Variants in ARF4 observed in about 807,000 individuals in gnomAD.
ARF4 encodes ADP-ribosylation factor 4.
A neutral mutation model predicts 24.3 loss-of-function variants in ARF4; 5 were observed. That is an observed-to-expected ratio of 0.21 (90% CI 0.11 to 0.43). The LOEUF (loss-of-function observed/expected upper bound fraction) is 0.43. Among genes scored for constraint, ARF4 ranks in the 20% least tolerant of loss-of-function variants. The probability of loss-of-function intolerance (pLI) is 1.00; values close to 1 mark genes in which losing one functional copy is unlikely to be tolerated. For missense variants in ARF4, 107 were observed against 213.0 expected (o/e 0.50, Z 3.10); for synonymous variants, 62 against 73.5 (o/e 0.84, Z 0.80).
At chr3:57,582,592 T>C (rs931961697) in intron 3 of ARF4, among the ~76,000 whole-genome samples, 1 of 152,172 alleles carries the variant, frequency 6.6e-6, no homozygotes, top group Non-Finnish European at 1.5e-5. Context: ...TAATATGACA[T>C]ACTATGTAAA....
intron 3 of ARF4, among the ~76,000 whole-genome samples, chr3:57,579,893 G>A (rs751547773): frequency 6.6e-6 from 1 of 152,090 alleles, no homozygotes; most frequent in Non-Finnish European, 1.5e-5. Flanking sequence ...CATGAAGTCA[G>A]GAGTTCAAGA....
In ARF4 at chr3:57,575,665, T is replaced by G; in HGVS notation, c.339A>C (p.Val113=). The change falls in exon 5 of 6, where the codon GTA becomes GTC. Residue 113 remains valine, a synonymous_variant. Transcript: ENST00000303436. ...VADELQKMLL[V]DELRDAVLLL... ...GCAGCACTGCATCTCTCAATTCATC[T>G]ACCAGAAGCTGGAAATAAAAGGTAA... 6.2e-7 allele frequency: 1 copy of G among 1,604,904 alleles called. No homozygotes were observed. Among genetic ancestry groups the G allele is most frequent in the East Asian group, 2.2e-5 (1 of 44,692 alleles).
chr3:57,583,376 C>T (rs752949977), intron 3 of ARF4, among the ~76,000 whole-genome samples: 6 of 152,054 alleles, frequency 3.9e-5, no homozygotes, highest in Non-Finnish European at 8.8e-5. Flanking sequence ...TACGTGCCAC[C>T]CCCAAATTTG....
At position 57,572,147 on chromosome 3, in the gene ARF4, A is replaced by G. The variant is rs2069849322; in HGVS notation, c.*65T>C. The G allele has an allele frequency of 7.8e-7, 1 of 1,284,984 alleles. No individual in the cohort carries two copies. Among genetic ancestry groups the G allele is most frequent in the Non-Finnish European group, 1.1e-6 (1 of 882,664 alleles). The allele number at this position is 1,284,984 out of a possible 1,614,324, so 79.6% of individuals were successfully genotyped here. ...TGTTTAATAACCAAGATACAAACTA[A>G]TTTTGTTGTAACAAGCCTAGACCAA... On this transcript the variant is annotated 3_prime_UTR_variant, in exon 6 of 6. Transcript: ENST00000303436.
chr3:57,594,438 A>G (rs1019641759), intron 1 of ARF4, among the ~76,000 whole-genome samples: 1 of 152,190 alleles, frequency 6.6e-6, no homozygotes, highest in Non-Finnish European at 1.5e-5. Flanking sequence ...CATCACTTGC[A>G]TAACTTACCC....
At chr3:57,595,109 T>A (rs972825191) in intron 1 of ARF4, among the ~76,000 whole-genome samples, 129 of 152,346 alleles carry the variant, frequency 8.5e-4, no homozygotes, top group African/African-American at 3.0e-3. Flanking sequence ...TCTCTCCCAT[T>A]TTCTTCGAAT....
intron 1 of ARF4, among the ~76,000 whole-genome samples, chr3:57,591,391 T>G (rs537059691): frequency 3.3e-5 from 5 of 151,940 alleles, no homozygotes; most frequent in Non-Finnish European, 7.4e-5. Flanking sequence ...TTATGTGAAT[T>G]TAATGAAAAG....
chr3:57,595,519 A>G (rs1473085006), intron 1 of ARF4, among the ~76,000 whole-genome samples: 4 of 152,242 alleles, frequency 2.6e-5, no homozygotes, highest in African/African-American at 9.6e-5. Flanking sequence ...AATGACTCAT[A>G]AACAATTGAT....
In ARF4 at chr3:57,584,055, T is replaced by C. The variant is rs767425593; in HGVS notation, c.149-48A>G. 7.1e-6 allele frequency: 9 copies of C among 1,267,868 alleles called. No homozygotes were observed. In the South Asian group the frequency reaches 1.0e-4, roughly 15 times the overall value. The allele number at this position is 1,267,868 out of a possible 1,614,324, so 78.5% of individuals were successfully genotyped here. ...CCGCTGTGCAGCGTCATTAAGAAAA[T>C]AAAACCTTTTATTGTGGAATTTTCT... On this transcript the variant is annotated intron_variant, in intron 2 of 5. Transcript: ENST00000303436.
intron 3 of ARF4, among the ~76,000 whole-genome samples, chr3:57,578,481 C>T: frequency 8.4e-6 from 1 of 119,062 alleles, no homozygotes; most frequent in South Asian, 3.1e-4. Context: ...CTTAGAGATA[C>T]AAATATTAGC....
intron 4 of ARF4, among the ~76,000 whole-genome samples, chr3:57,576,284 G>C (rs1369059765): frequency 6.6e-6 from 1 of 152,152 alleles, no homozygotes; most frequent in Non-Finnish European, 1.5e-5. Context: ...ATAGGTGACT[G>C]TATAAAGACA....
At chr3:57,590,056 CTCCAGCCTG>C (rs200898039) in intron 1 of ARF4, among the ~76,000 whole-genome samples, 1,519 of 149,744 alleles carry the variant, frequency 0.01, 17 homozygotes, top group South Asian at 0.035. Flanking sequence ...TGCCACTGCA[CTCCAGCCTG>C]GGCAACAGAC....
intron 1 of ARF4, among the ~76,000 whole-genome samples, chr3:57,592,270 C>A (rs1316046240): frequency 6.6e-6 from 1 of 152,018 alleles, no homozygotes; most frequent in Non-Finnish European, 1.5e-5. Flanking sequence ...AGGTGGATCA[C>A]CTGAGGTCAG....
intron 4 of ARF4, among the ~76,000 whole-genome samples, chr3:57,575,933 C>A (rs1156326067): frequency 6.6e-6 from 1 of 151,934 alleles, no homozygotes; most frequent in Non-Finnish European, 1.5e-5. Context: ...GCAAATCACT[C>A]ATCATTCAGC....
At chr3:57,585,082 T>C (rs1195439627) in intron 1 of ARF4, among the ~76,000 whole-genome samples, 4 of 152,138 alleles carry the variant, frequency 2.6e-5, no homozygotes, top group African/African-American at 4.8e-5. Flanking sequence ...CAGGCTGGTC[T>C]CAAACTCCTG....
intron 4 of ARF4, among the ~76,000 whole-genome samples, chr3:57,576,804 C>T (rs1003767758): frequency 6.6e-6 from 1 of 152,074 alleles, no homozygotes; most frequent in African/African-American, 2.4e-5. Context: ...GTGAACCAAA[C>T]ATTTGTCTCT....
chr3:57,580,065 AC>A (rs1261427793), intron 3 of ARF4, among the ~76,000 whole-genome samples: 1 of 152,150 alleles, frequency 6.6e-6, no homozygotes, highest in Non-Finnish European at 1.5e-5. Flanking sequence ...TGATCATGCC[AC>A]TGCACTCTAG....
chr3:57,590,480 C>T (rs942898106), intron 1 of ARF4, among the ~76,000 whole-genome samples: 7 of 151,802 alleles, frequency 4.6e-5, no homozygotes, highest in East Asian at 1.9e-4. Flanking sequence ...AGCAAGACTC[C>T]GTCTCAAAAA....
At chr3:57,572,973 C>T (rs1206681215) in intron 5 of ARF4, among the ~76,000 whole-genome samples, 7 of 151,908 alleles carry the variant, frequency 4.6e-5, no homozygotes, top group Non-Finnish European at 7.4e-5. Context: ...GAGGCTGAGG[C>T]GGATGGATCA....
Sources: gnomAD v4.1 joint callset for allele counts (sites outside exome capture counted in the v4.1 genomes callset) on GRCh38, gnomAD v4.1.1 for gene constraint, MANE v1.5 for transcripts, NCBI Gene and HGNC (gene_info 2026-07-23, HGNC 2026-07-21) for gene names.